PURA: variants seen among roughly 807,000 people sequenced by gnomAD.
PURA encodes the protein transcriptional activator protein Pur-alpha.
Under a neutral mutation model 23.1 loss-of-function variants are expected in PURA, and 2 were observed. That is an observed-to-expected ratio of 0.09 (90% CI 0.04 to 0.27). PURA has a LOEUF of 0.27. Ranked by LOEUF, PURA falls within the 10% of genes least tolerant of loss-of-function variation. The pLI is 1.00. For synonymous variants in PURA, 254 were observed against 205.9 expected (o/e 1.23, Z -2.00); for missense variants, 187 against 449.7 (o/e 0.42, Z 5.28).
At position 140,114,911 on chromosome 5, in the gene PURA, A is replaced by C. The variant is rs755449640; in HGVS notation, c.730A>C (p.Met244Leu). 6.2e-7 allele frequency: 1 copy of C among 1,614,252 alleles called. No homozygotes were observed. Among genetic ancestry groups the C allele is most frequent in the South Asian group, 1.1e-5 (1 of 91,088 alleles). ...GGGCTCCAACAAGTACGGCGTGTTT[A>C]TGCGAGTGAGCGAGGTGAAGCCCAC... ...DVGSNKYGVF[M>L]RVSEVKPTYR... The change falls in exon 1 of 1, where the codon ATG becomes CTG. Residue 244 changes from methionine (M) to leucine (L), a missense_variant. Around this residue, in one of 9 missense-constraint regions of PURA, gnomAD observed 65 missense variants for 158.6 expected, o/e 0.41. Transcript: ENST00000331327.
At position 140,116,418 on chromosome 5, in the gene PURA, G is replaced by A. The variant is rs946698439; in HGVS notation, c.*1268G>A. 8 of 167,110 alleles carry A rather than the reference G, an allele frequency of 4.8e-5. No individual in the cohort carries two copies. The highest frequency in any genetic ancestry group is 1.9e-4 in the African/African-American group (8 of 41,454). The allele number at this position is 167,110 out of a possible 1,614,324, so 10.4% of individuals were successfully genotyped here. On this transcript the variant is annotated 3_prime_UTR_variant, in exon 1 of 1. Transcript: ENST00000331327. Reference sequence around the variant, plus strand: ...TGAAAGCCAAGTTGGTGTATGTAAAGGATTTCCATGTAGCTGTGGTGCTAG... The same window carrying A: ...TGAAAGCCAAGTTGGTGTATGTAAAAGATTTCCATGTAGCTGTGGTGCTAG...
Position 140,116,520 on chromosome 5 carries a change from A to G in PURA, c.*1370A>G, listed in dbSNP as rs1366162714. 1 of 167,048 alleles carries G rather than the reference A, an allele frequency of 6.0e-6. No individual in the cohort carries two copies. Among genetic ancestry groups the G allele is most frequent in the Non-Finnish European group, 1.5e-5 (1 of 68,112 alleles). The allele number at this position is 167,048 out of a possible 1,614,324, so 10.3% of individuals were successfully genotyped here. A position where few individuals can be genotyped will look rare whatever the true frequency, so the allele number is the denominator to read the frequency against. On this transcript the variant is annotated 3_prime_UTR_variant, in exon 1 of 1. Coordinates refer to ENST00000331327, the MANE Select transcript of PURA (RefSeq NM_005859.5). ...AAGCCTTCTATCAAAAGTATGTTCT[A>G]TAACTCATATATTCAAGGTGTAGGG...
rs1346288745 is a variant in PURA, at chr5:140,121,090, A to G, written c.*5940A>G. 1.2e-5 allele frequency: 2 copies of G among 166,914 alleles called. No individual in the cohort carries two copies. The highest frequency in any genetic ancestry group is 4.8e-5 in the African/African-American group (2 of 41,444). 10.3% of individuals were successfully genotyped at this position (166,914 alleles called of 1,614,324 possible). On this transcript the variant is annotated 3_prime_UTR_variant, in exon 1 of 1. Transcript: ENST00000331327. ...TTTGATAATTATTAGCAATTAGCTT[A>G]TTTTGTAGCATTAGATGGAAAAATG...
In PURA at chr5:140,121,593, GCTTA is replaced by G; in HGVS notation, c.*6447_*6450del. On this transcript the variant is annotated 3_prime_UTR_variant, in exon 1 of 1. Coordinates refer to ENST00000331327, the MANE Select transcript of PURA (RefSeq NM_005859.5). ...CTGTAGGCCTACCAGTGGCACTCAA[GCTTA>G]CTTCTTCAGAGAGAAGTAAAGAAAT... is the stretch of plus-strand genomic sequence containing the variant. 1 of 166,920 alleles carries G rather than the reference GCTTA, an allele frequency of 6.0e-6. No individual in the cohort carries two copies. The highest frequency in any genetic ancestry group is 2.1e-4 in the South Asian group (1 of 4,822). The allele number at this position is 166,920 out of a possible 1,614,324, so 10.3% of individuals were successfully genotyped here.
rs1364997885 is a variant in PURA at position 140,116,740 on chromosome 5, TTGAG to T, written c.*1594_*1597del. ...TTAAACTGCTGCATGACTATCATCT[TTGAG>T]TGAAGAGAAAATGTTATAAAAAAGA... On this transcript the variant is annotated 3_prime_UTR_variant, in exon 1 of 1. Coordinates refer to ENST00000331327, the MANE Select transcript of PURA (RefSeq NM_005859.5). 2 of 166,090 alleles carry T rather than the reference TTGAG, an allele frequency of 1.2e-5. No homozygotes were observed. The highest frequency in any genetic ancestry group is 2.9e-5 in the Non-Finnish European group (2 of 68,030). The allele number at this position is 166,090 out of a possible 1,614,324, so 10.3% of individuals were successfully genotyped here. A position where few individuals can be genotyped will look rare whatever the true frequency, so the allele number is the denominator to read the frequency against.
chr5:140,116,490 T>G lies in PURA; in HGVS notation c.*1340T>G, dbSNP rs918166168. On this transcript the variant is annotated 3_prime_UTR_variant, in exon 1 of 1. Coordinates refer to ENST00000331327, the MANE Select transcript of PURA (RefSeq NM_005859.5). ...GCTAAGTGTATTTGTGTTCCCCAAG[T>G]GTACAAGCCTTCTATCAAAAGTATG... The G allele has an allele frequency of 6.0e-6, 1 of 167,094 alleles. No individual in the cohort carries two copies. Among genetic ancestry groups the G allele is most frequent in the African/African-American group, 2.4e-5 (1 of 41,454 alleles). The allele number at this position is 167,094 out of a possible 1,614,324, so 10.4% of individuals were successfully genotyped here.
rs537321492 is a variant in PURA, at chr5:140,121,053, TACAC to T, written c.*5907_*5910del. On this transcript the variant is annotated 3_prime_UTR_variant, in exon 1 of 1. Transcript: ENST00000331327. ...CACAGGATTTTCATGTTTTCATAAATACACACATTGTTTTGATAATTATTAGCAA... is the reference window on the plus strand; with the variant it reads ...CACAGGATTTTCATGTTTTCATAAATACATTGTTTTGATAATTATTAGCAA... The T allele has an allele frequency of 6.9e-4, 115 of 167,028 alleles. No homozygotes were observed. The highest frequency in any genetic ancestry group is 2.4e-3 in the African/African-American group (101 of 41,572). The allele number at this position is 167,028 out of a possible 1,614,324, so 10.3% of individuals were successfully genotyped here.
At position 140,115,158 on chromosome 5, in the gene PURA, G is replaced by T. The variant is rs778185033; in HGVS notation, c.*8G>T. On this transcript the variant is annotated 3_prime_UTR_variant, in exon 1 of 1. Coordinates refer to ENST00000331327, the MANE Select transcript of PURA (RefSeq NM_005859.5). This position sits in a 1 kb window ranked among gnomAD's most constrained non-coding sequence, Gnocchi z 4.1. ...GAAGGGGAAGAAGATTGATCAAACT[G>T]AATGAAACCCCCACACACACACACA... 1.3e-6 allele frequency: 2 copies of T among 1,490,684 alleles called. No individual in the cohort carries two copies. The highest frequency in any genetic ancestry group is 1.8e-6 in the Non-Finnish European group (2 of 1,112,824). 92.3% of individuals were successfully genotyped at this position (1,490,684 alleles called of 1,614,324 possible).
chr5:140,114,919 G>A lies in PURA; in HGVS notation c.738G>A (p.Val246=). Residue 246 remains valine, a synonymous_variant, in exon 1 of 1, where the codon GTG becomes GTA. Coordinates refer to ENST00000331327, the MANE Select transcript of PURA (RefSeq NM_005859.5). ...GSNKYGVFMR[V]SEVKPTYRNS... ...ACAAGTACGGCGTGTTTATGCGAGT[G>A]AGCGAGGTGAAGCCCACCTATCGCA... The A allele has an allele frequency of 6.2e-7, 1 of 1,614,272 alleles. No individual in the cohort carries two copies. Among genetic ancestry groups the A allele is most frequent in the Non-Finnish European group, 8.5e-7 (1 of 1,180,052 alleles).
rs1763122175 is a variant in PURA, at chr5:140,119,147, AAG to A, written c.*3999_*4000del. The A allele has an allele frequency of 6.0e-6, 1 of 166,886 alleles. No individual in the cohort carries two copies. Among genetic ancestry groups the A allele is most frequent in the Non-Finnish European group, 1.5e-5 (1 of 68,016 alleles). 10.3% of individuals were successfully genotyped at this position (166,886 alleles called of 1,614,324 possible). On this transcript the variant is annotated 3_prime_UTR_variant, in exon 1 of 1. Transcript: ENST00000331327. The stretch of plus-strand genomic sequence containing the variant: ...AGTCTAAGTTTTGTATGCTAACAGA[AAG>A]ATATAATTTAGCTACCTATTCTAAA...
Position 140,115,280 on chromosome 5 carries a change from G to T in PURA, c.*130G>T. ...AAAAGTTAAAAAAAAAAAAAAACCTGTTAACTCCAAGGGAGCACCACCCAC... is the reference window on the plus strand; with the variant it reads ...AAAAGTTAAAAAAAAAAAAAAACCTTTTAACTCCAAGGGAGCACCACCCAC... On this transcript the variant is annotated 3_prime_UTR_variant, in exon 1 of 1. Transcript: ENST00000331327. This position sits in a 1 kb window ranked among gnomAD's most constrained non-coding sequence, Gnocchi z 4.1. The T allele has an allele frequency of 1.6e-6, 1 of 620,246 alleles. No individual in the cohort carries two copies. The highest frequency in any genetic ancestry group is 3.9e-5 in the Admixed American group (1 of 25,732). The allele number at this position is 620,246 out of a possible 1,614,324, so 38.4% of individuals were successfully genotyped here.
rs1188832345 is a variant in PURA, at chr5:140,120,075, A to G, written c.*4925A>G. ...GTATCAGAATGAGACCTTGCTATCT[A>G]TGTAAAAGGATGCTAAAACAAGGGC... On this transcript the variant is annotated 3_prime_UTR_variant, in exon 1 of 1. Coordinates refer to ENST00000331327, the MANE Select transcript of PURA (RefSeq NM_005859.5). 6.0e-6 allele frequency: 1 copy of G among 166,856 alleles called. No homozygotes were observed. Among genetic ancestry groups the G allele is most frequent in the Admixed American group, 6.6e-5 (1 of 15,254 alleles). 10.3% of individuals were successfully genotyped at this position (166,856 alleles called of 1,614,324 possible).
In PURA at chr5:140,114,679, C is replaced by T. The variant is rs752590766; in HGVS notation, c.498C>T (p.Arg166=). 1.2e-6 allele frequency: 2 copies of T among 1,612,164 alleles called. No homozygotes were observed. The highest frequency in any genetic ancestry group is 1.7e-6 in the Non-Finnish European group (2 of 1,179,824). Residue 166 remains arginine, a synonymous_variant, in exon 1 of 1, where the codon CGC becomes CGT. Coordinates refer to ENST00000331327, the MANE Select transcript of PURA (RefSeq NM_005859.5). ...YMDLKENQRG[R]FLRIRQTVNR... ...ATCTCAAGGAGAACCAGCGCGGCCG[C>T]TTCCTGCGCATCCGCCAGACGGTCA...
In PURA at chr5:140,121,933, A is replaced by C. The variant is rs1371824887; in HGVS notation, c.*6783A>C. ...GAGAATGGTTTGGAAATAAAGTGAGAGGAATTTTTACTAGAGGTAGGAAAA... is the reference window on the plus strand; with the variant it reads ...GAGAATGGTTTGGAAATAAAGTGAGCGGAATTTTTACTAGAGGTAGGAAAA... On this transcript the variant is annotated 3_prime_UTR_variant, in exon 1 of 1. Transcript: ENST00000331327. 1.2e-5 allele frequency: 2 copies of C among 166,668 alleles called. No homozygotes were observed. The highest frequency in any genetic ancestry group is 4.8e-5 in the African/African-American group (2 of 41,396). The allele number at this position is 166,668 out of a possible 1,614,324, so 10.3% of individuals were successfully genotyped here. A position where few individuals can be genotyped will look rare whatever the true frequency, so the allele number is the denominator to read the frequency against.
At position 140,118,610 on chromosome 5, in the gene PURA, G is replaced by T. The variant is rs1204933139; in HGVS notation, c.*3460G>T. On this transcript the variant is annotated 3_prime_UTR_variant, in exon 1 of 1. Coordinates refer to ENST00000331327, the MANE Select transcript of PURA (RefSeq NM_005859.5). Reference sequence around the variant, plus strand: ...AGCCATGTCGGCTTTTCCTCTACTAGATACAGATTGGAGGTAGATGAATAT... The same window carrying T: ...AGCCATGTCGGCTTTTCCTCTACTATATACAGATTGGAGGTAGATGAATAT... 6.0e-6 allele frequency: 1 copy of T among 166,812 alleles called. No individual in the cohort carries two copies. The highest frequency in any genetic ancestry group is 2.4e-5 in the African/African-American group (1 of 41,382). The allele number at this position is 166,812 out of a possible 1,614,324, so 10.3% of individuals were successfully genotyped here. A position where few individuals can be genotyped will look rare whatever the true frequency, so the allele number is the denominator to read the frequency against.
In PURA at chr5:140,115,210, C is replaced by T. The variant is rs1416600971; in HGVS notation, c.*60C>T. On this transcript the variant is annotated 3_prime_UTR_variant, in exon 1 of 1. Transcript: ENST00000331327. This position sits in a 1 kb window ranked among gnomAD's most constrained non-coding sequence, Gnocchi z 4.1. ...GCATACACACACACACACAGCCACA[C>T]ACACAGAAAATATACTGTAAAGAAA... The T allele has an allele frequency of 6.1e-6, 6 of 990,874 alleles. No individual in the cohort carries two copies. The East Asian group carries it at 1.7e-4, about 27-fold the overall frequency. 61.4% of individuals were successfully genotyped at this position (990,874 alleles called of 1,614,324 possible).
Position 140,120,921 on chromosome 5 carries a change from G to A in PURA, c.*5771G>A, listed in dbSNP as rs1337983480. 1.2e-5 allele frequency: 2 copies of A among 166,750 alleles called. No individual in the cohort carries two copies. Among genetic ancestry groups the A allele is most frequent in the African/African-American group, 4.8e-5 (2 of 41,426 alleles). 10.3% of individuals were successfully genotyped at this position (166,750 alleles called of 1,614,324 possible). The stretch of plus-strand genomic sequence containing the variant: ...GTGTTTTTCCTTCCTGATGTCCTTT[G>A]CTTTTGTGGAAGATTGTCCTGTTGA... On this transcript the variant is annotated 3_prime_UTR_variant, in exon 1 of 1. Coordinates refer to ENST00000331327, the MANE Select transcript of PURA (RefSeq NM_005859.5).
chr5:140,114,904 C>T lies in PURA; in HGVS notation c.723C>T (p.Gly241=), dbSNP rs747372214. The T allele has an allele frequency of 2.0e-5, 32 of 1,614,130 alleles. No individual in the cohort carries two copies. The highest frequency in any genetic ancestry group is 2.4e-5 in the Non-Finnish European group (28 of 1,180,048). Residue 241 remains glycine, a synonymous_variant, in exon 1 of 1, where the codon GGC becomes GGT. Transcript: ENST00000331327. ...TCGATGTGGGCTCCAACAAGTACGGCGTGTTTATGCGAGTGAGCGAGGTGA... is the reference window on the plus strand; with the variant it reads ...TCGATGTGGGCTCCAACAAGTACGGTGTGTTTATGCGAGTGAGCGAGGTGA... The part of the protein sequence containing the change: ...FFFDVGSNKY[G]VFMRVSEVKP...
rs757739680 is a variant in PURA, at chr5:140,120,438, G to C, written c.*5288G>C. On this transcript the variant is annotated 3_prime_UTR_variant, in exon 1 of 1. Coordinates refer to ENST00000331327, the MANE Select transcript of PURA (RefSeq NM_005859.5). ...TTAACCAAATTTTGGCCATTCATAA[G>C]TATGCTATAAAACTAAAGTGATCAC... The C allele has an allele frequency of 2.4e-5, 4 of 166,684 alleles. No homozygotes were observed. Among genetic ancestry groups the C allele is most frequent in the Admixed American group, 6.6e-5 (1 of 15,234 alleles). 10.3% of individuals were successfully genotyped at this position (166,684 alleles called of 1,614,324 possible). A position where few individuals can be genotyped will look rare whatever the true frequency, so the allele number is the denominator to read the frequency against.
Sources: allele counts gnomAD v4.1 joint callset, GRCh38; gene constraint gnomAD v4.1.1; regional missense constraint gnomAD v4.1.1; non-coding constraint Gnocchi (gnomAD v3.1); transcripts MANE v1.5; gene names NCBI Gene and HGNC (gene_info 2026-07-23, HGNC 2026-07-21).